Variants in ZNF605 observed in about 807,000 individuals in gnomAD.
ZNF605 encodes the protein zinc finger protein 605.
A neutral mutation model predicts 7.9 loss-of-function variants in ZNF605; 9 were observed. That is an observed-to-expected ratio of 1.14 (90% CI 0.68 to 1.98). The LOEUF is 1.98. ZNF605 is among the 30% of genes most tolerant of loss of function. The pLI, the probability that ZNF605 is intolerant of heterozygous loss-of-function variation, is 0.00. For synonymous variants in ZNF605, 255 were observed against 260.1 expected (o/e 0.98, Z 0.19); for missense variants, 673 against 762.4 (o/e 0.88, Z 1.38).
intron 1 of ZNF605, among the ~76,000 whole-genome samples, chr12:132,949,685 T>A (rs2650025): frequency 6.6e-6 from 1 of 151,474 alleles, no homozygotes; most frequent in East Asian, 1.9e-4. Flanking sequence ...ACTCAGGTCA[T>A]GAGGGGAGAC....
intron 1 of ZNF605, among the ~76,000 whole-genome samples, chr12:132,953,498 T>C (rs539254284): frequency 7.2e-5 from 11 of 152,074 alleles, no homozygotes; most frequent in South Asian, 4.1e-4. Context: ...AAAATCTCGG[T>C]TCACTGCAAC....
intron 1 of ZNF605, among the ~76,000 whole-genome samples, chr12:132,954,475 A>AG (rs1430392222): frequency 2.2e-5 from 3 of 134,402 alleles, no homozygotes; most frequent in Non-Finnish European, 4.9e-5. Flanking sequence ...GGGGAGGAGA[A>AG]GGGGCTTCTG....
intron 4 of ZNF605, among the ~76,000 whole-genome samples, chr12:132,928,890 A>ATG (rs1952275234): frequency 4.0e-5 from 6 of 151,872 alleles, no homozygotes; most frequent in Non-Finnish European, 7.4e-5. Context: ...GGTGGTGCAC[A>ATG]CGTGAAGTCC....
chr12:132,945,912 T>A, intron 2 of ZNF605, 115 bp from the exon 3 acceptor site: 1 of 598,024 alleles, frequency 1.7e-6, no homozygotes, highest in South Asian at 2.0e-5. Context: ...AGATGTTGGG[T>A]AGGCTCACAC....
At chr12:132,946,052 A>G (rs1952491871) in intron 2 of ZNF605, among the ~76,000 whole-genome samples, 1 of 152,160 alleles carries the variant, frequency 6.6e-6, no homozygotes, top group Non-Finnish European at 1.5e-5. Context: ...CATAAATGCC[A>G]GATGGAAACC....
chr12:132,950,808 CAG>C (rs1258674327), intron 1 of ZNF605, among the ~76,000 whole-genome samples: 3 of 151,674 alleles, frequency 2.0e-5, no homozygotes, highest in Non-Finnish European at 4.4e-5. Flanking sequence ...ACATCATACA[CAG>C]AGACATGTAC....
intron 3 of ZNF605, among the ~76,000 whole-genome samples, chr12:132,943,644 C>A (rs1011595223): frequency 1.3e-5 from 2 of 152,154 alleles, no homozygotes; most frequent in Admixed American, 6.6e-5. Flanking sequence ...ACACTTTTCC[C>A]CACTTTGACT....
intron 3 of ZNF605, among the ~76,000 whole-genome samples, chr12:132,940,971 T>A (rs2137148285): frequency 6.7e-6 from 1 of 150,276 alleles, no homozygotes; most frequent in South Asian, 2.2e-4. Context: ...TTGCTCCCAC[T>A]TATAAATAAG....
In ZNF605 at chr12:132,934,371, A is replaced by G. The variant is rs940450585; in HGVS notation, c.16-1216T>C. On this transcript the variant is annotated intron_variant, in intron 3 of 4. Transcript: ENST00000360187. ...GCTCCCAAGTAAGAACTGGCCAGCT[A>G]TTTTAGGTATCTTCCAAAACACACA... Among the ~76,000 whole-genome samples, 140 of 152,180 alleles carry G rather than the reference A, an allele frequency of 9.2e-4. 1 individual carries two copies. Among genetic ancestry groups the G allele is most frequent in the Non-Finnish European group, 1.7e-3 (114 of 67,990 alleles).
chr12:132,937,061 A>G (rs1220029042), intron 3 of ZNF605, among the ~76,000 whole-genome samples: 2 of 152,324 alleles, frequency 1.3e-5, no homozygotes, highest in East Asian at 3.9e-4. Context: ...TTCACCAAAG[A>G]AAATATATGG....
rs1171828219 is a variant in ZNF605, at chr12:132,926,459, G to C, written c.840C>G (p.Pro280=). 6.2e-7 allele frequency: 1 copy of C among 1,614,008 alleles called. No individual in the cohort carries two copies. The highest frequency in any genetic ancestry group is 1.3e-5 in the African/African-American group (1 of 74,896). Residue 280 remains proline (P), a synonymous_variant, in exon 5 of 5, where the codon CCC becomes CCG. Transcript: ENST00000360187. ...RHQITHTIEK[P]YSCSECGKAF... ...CTTTCCCACACTCACTGCAACTGTAGGGTTTCTCTATTGTGTGCGTTATCT... is the reference window on the plus strand; with the variant it reads ...CTTTCCCACACTCACTGCAACTGTACGGTTTCTCTATTGTGTGCGTTATCT...
intron 1 of ZNF605, among the ~76,000 whole-genome samples, chr12:132,955,826 C>T (rs1277478713): frequency 3.3e-5 from 5 of 152,166 alleles, no homozygotes; most frequent in Admixed American, 3.3e-4. Flanking sequence ...TCCACACGGC[C>T]TCCCAGGGGC....
chr12:132,953,941 C>T (rs1952602479), intron 1 of ZNF605, among the ~76,000 whole-genome samples: 1 of 152,032 alleles, frequency 6.6e-6, no homozygotes, highest in African/African-American at 2.4e-5. Flanking sequence ...ATCAGTCATT[C>T]AGTCATCTCT....
Position 132,925,789 on chromosome 12 carries a change from G to T in ZNF605, c.1510C>A (p.Pro504Thr). ...HHQRTHTGEKPFECSECRKAF... is the reference protein window; with the variant it reads ...HHQRTHTGEKTFECSECRKAF... The stretch of plus-strand genomic sequence containing the variant: ...TTCCTACATTCACTACATTCAAAGG[G>T]CTTTTCTCCAGTATGGGTTCTCTGA... The change falls in exon 5 of 5, where the codon CCC (proline) becomes ACC (threonine). Residue 504 changes from proline to threonine, a missense_variant. Pro to Thr is a conservative substitution (Grantham distance 38, BLOSUM62 -1). Transcript: ENST00000360187. 1 of 1,614,092 alleles carries T rather than the reference G, an allele frequency of 6.2e-7. No homozygotes were observed.
intron 3 of ZNF605, among the ~76,000 whole-genome samples, chr12:132,938,834 C>A (rs867057792): frequency 4.1e-4 from 63 of 152,100 alleles, no homozygotes; most frequent in Admixed American, 9.8e-4. Flanking sequence ...GCTTGGTGGG[C>A]GCCGCACTCG....
chr12:132,926,867 A>G lies in ZNF605; in HGVS notation c.432T>C (p.Asp144=). Residue 144 remains aspartate, a synonymous_variant, in exon 5 of 5, where the codon GAT becomes GAC. Coordinates refer to ENST00000360187, the MANE Select transcript of ZNF605 (RefSeq NM_183238.4). ...GRTHGGIKYC[D]CSTCRKSSNE... ...TGCTGGATTTTCTACATGTACTGCA[A>G]TCACAGTATTTTATCCCACCATGGG... The G allele has an allele frequency of 2.5e-6, 4 of 1,614,222 alleles. No individual in the cohort carries two copies. The highest frequency in any genetic ancestry group is 2.2e-5 in the East Asian group (1 of 44,888).
chr12:132,952,305 C>CA (rs1339090405), intron 1 of ZNF605, among the ~76,000 whole-genome samples: 1 of 151,576 alleles, frequency 6.6e-6, no homozygotes, highest in Non-Finnish European at 1.5e-5. Context: ...ACTAAAAATA[C>CA]AAAAAATTAG....
chr12:132,951,900 A>G (rs1251798706), intron 1 of ZNF605, among the ~76,000 whole-genome samples: 1 of 151,822 alleles, frequency 6.6e-6, no homozygotes, highest in African/African-American at 2.4e-5. Context: ...TACACACATC[A>G]CACACATTCA....
intron 2 of ZNF605, among the ~76,000 whole-genome samples, chr12:132,947,115 C>A (rs1483974517): frequency 6.6e-6 from 1 of 151,218 alleles, no homozygotes; most frequent in East Asian, 2.0e-4. Context: ...TGGGTTCAAG[C>A]GATTCTTCTG....
Sources: gnomAD v4.1 joint callset for allele counts (sites outside exome capture counted in the v4.1 genomes callset) on GRCh38, gnomAD v4.1.1 for gene constraint, MANE v1.5 for transcripts, NCBI Gene and HGNC (gene_info 2026-07-23, HGNC 2026-07-21) for gene names.